The following IVD variants were observed in gnomAD, a reference collection of about 807,000 sequenced individuals.
IVD encodes the protein isovaleryl-CoA dehydrogenase, also known as isovaleryl-CoA dehydrogenase, mitochondrial.
Under a neutral mutation model 51.3 loss-of-function variants are expected in IVD, and 31 were observed. The observed-to-expected ratio is 0.60, with a 90% CI of 0.45 to 0.81. The LOEUF (loss-of-function observed/expected upper bound fraction) is 0.81. Ranked by LOEUF, IVD falls within the 40% of genes least tolerant of loss-of-function variation. The pLI, the probability that IVD is intolerant of heterozygous loss-of-function variation, is 0.00. For missense variants in IVD, 475 were observed against 552.0 expected (o/e 0.86, Z 1.40); for synonymous variants, 205 against 219.4 (o/e 0.93, Z 0.58).
downstream of IVD, among the ~76,000 whole-genome samples, chr15:40,422,575 G>A (rs1892395646): frequency 1.1e-5 from 1 of 88,296 alleles, no homozygotes; most frequent in East Asian, 3.2e-4. Flanking sequence ...GAGCCACCGC[G>A]CCCGGCCGAC....
At position 40,407,705 on chromosome 15, in the gene IVD, AAT is replaced by A. The variant is rs777713456; in HGVS notation, c.215_216del (p.Asn72ArgfsTer71). The A allele has an allele frequency of 2.5e-6, 4 of 1,614,196 alleles. No individual in the cohort carries two copies. In the South Asian group the frequency reaches 4.4e-5, roughly 18 times the overall value. On this transcript the variant is annotated frameshift_variant, in exon 2 of 12. Coordinates refer to ENST00000487418, the MANE Select transcript of IVD (RefSeq NM_002225.5). LOFTEE classifies it high-confidence loss of function. ...APKAQEIDRS[N>X]EFKNLREFWK... ...CAAGGCCCAGGAGATCGATCGCAGC[AAT>A]GAGTTCAAGAACCTGCGAGTGAGTT... is the stretch of plus-strand genomic sequence containing the variant.
chr15:40,406,364 A>G, intron 1 of IVD: 1 of 1,315,682 alleles, frequency 7.6e-7, no homozygotes, highest in South Asian at 1.2e-5. Flanking sequence ...TGCTTCTCAC[A>G]CCTGGGTGGT....
intron 2 of IVD, 88 bp from the exon 3 acceptor site, chr15:40,407,851 G>A (rs1890626902): frequency 6.8e-7 from 1 of 1,477,422 alleles, no homozygotes; most frequent in South Asian, 1.1e-5. Flanking sequence ...CCCTCTCTCT[G>A]AAGTGTTTGG....
rs374797902 is a variant in IVD, at chr15:40,407,730, G to C, written c.234+5G>C. 1 of 1,613,598 alleles carries C rather than the reference G, an allele frequency of 6.2e-7. No homozygotes were observed. Among genetic ancestry groups the C allele is most frequent in the Non-Finnish European group, 8.5e-7 (1 of 1,179,530 alleles). ...AATGAGTTCAAGAACCTGCGAGTGA[G>C]TTGGGAGGTCCGGGCAGTCGGGGGC... On this transcript the variant is annotated splice_donor_5th_base_variant and intron_variant, in intron 2 of 11. Coordinates refer to ENST00000487418, the MANE Select transcript of IVD (RefSeq NM_002225.5).
downstream of IVD, chr15:40,424,209 C>T (rs28429209): frequency 7.8e-7 from 1 of 1,287,394 alleles, no homozygotes; most frequent in Non-Finnish European, 1.0e-6. Flanking sequence ...CAGTGGCTCC[C>T]AGCACCTGTA....
downstream of IVD, among the ~76,000 whole-genome samples, chr15:40,423,284 TAC>T (rs1297834443): frequency 2.0e-5 from 3 of 152,328 alleles, no homozygotes; most frequent in Admixed American, 1.3e-4. Context: ...TAAAAAATAC[TAC>T]AGTTTTTAAA....
At chr15:40,413,683 G>T (rs201529507) in intron 7 of IVD, among the ~76,000 whole-genome samples, 231 of 25,936 alleles carry the variant, frequency 8.9e-3, no homozygotes, top group East Asian at 0.014. Flanking sequence ...TGTTTTTTTT[G>T]TTTGTTTGTT....
chr15:40,423,504 C>T (rs1892485142), downstream of IVD, among the ~76,000 whole-genome samples: 4 of 152,206 alleles, frequency 2.6e-5, no homozygotes. Flanking sequence ...CTCTCTCGCC[C>T]ATGCTGGAGT....
downstream of IVD, chr15:40,435,813 G>T (rs574508021): frequency 8.1e-5 from 55 of 676,350 alleles, no homozygotes; most frequent in Middle Eastern, 2.2e-3. Context: ...GCTCCTTCAG[G>T]CTCCGCTCTC....
At chr15:40,408,043 C>A in intron 3 of IVD, 53 bp downstream of exon 3, 1 of 1,518,932 alleles carries the variant, frequency 6.6e-7, no homozygotes, top group Non-Finnish European at 9.1e-7. Context: ...CCCTTTAAGA[C>A]AGTTCCCAAA....
chr15:40,415,926 C>T, intron 9 of IVD, 152 bp from the exon 10 acceptor site: 2 of 735,410 alleles, frequency 2.7e-6, no homozygotes, highest in Admixed American at 2.0e-5. Flanking sequence ...ACTCCCACAC[C>T]TGCCCCCATC....
intron 8 of IVD, 74 bp from the exon 9 acceptor site, chr15:40,415,327 C>T: frequency 7.7e-7 from 1 of 1,304,550 alleles, no homozygotes; most frequent in East Asian, 2.3e-5. Context: ...CTGGCCTTCC[C>T]ACGCTAGCAT....
At chr15:40,428,639 T>G (rs1892802262), downstream of IVD, among the ~76,000 whole-genome samples, 2 of 152,076 alleles carry the variant, frequency 1.3e-5, no homozygotes, top group Non-Finnish European at 2.9e-5. Context: ...GTCAGAGACC[T>G]TTGTATTGCA....
chr15:40,430,283 C>G (rs950779158), intron 7 of IVD, among the ~76,000 whole-genome samples: 1 of 152,210 alleles, frequency 6.6e-6, no homozygotes, highest in Non-Finnish European at 1.5e-5. Flanking sequence ...CAGGGAGACG[C>G]AGATGTGGTT....
chr15:40,416,847 G>GCTGC (rs1156739679), intron 11 of IVD, among the ~76,000 whole-genome samples: 1 of 152,166 alleles, frequency 6.6e-6, no homozygotes, highest in African/African-American at 2.4e-5. Context: ...AGGAGTTGCT[G>GCTGC]CTGCCTTCGG....
intron 6 of IVD, among the ~76,000 whole-genome samples, 175 bp downstream of exon 6, chr15:40,411,866 C>T (rs1891125173): frequency 6.6e-6 from 1 of 152,180 alleles, no homozygotes; most frequent in East Asian, 1.9e-4. Flanking sequence ...CCAGGAAGTC[C>T]AGGGCAGATG....
At chr15:40,410,573 G>A (rs1890953518) in intron 3 of IVD, 55 bp from the exon 4 acceptor site, 1 of 1,594,412 alleles carries the variant, frequency 6.3e-7, no homozygotes, top group East Asian at 2.2e-5. Context: ...CTTAATGAAT[G>A]TCCCGATTTA....
At chr15:40,409,170 G>T (rs1364253863) in intron 3 of IVD, among the ~76,000 whole-genome samples, 1 of 152,204 alleles carries the variant, frequency 6.6e-6, no homozygotes, top group Non-Finnish European at 1.5e-5. Context: ...GGGGGTTTAT[G>T]TACCCCACTC....
intron 1 of IVD, 25 bp downstream of exon 1, chr15:40,405,996 G>GCCCCAAGGCCCCCTTCCTGCCTGGT (rs1890361300): frequency 6.3e-7 from 1 of 1,575,804 alleles, no homozygotes; most frequent in Non-Finnish European, 8.6e-7. Flanking sequence ...CCCCTTCCTG[G>GCCCCAAGGCCCCCTTCCTGCCTGGT]CCCCAAGGCC....
Sources: gnomAD v4.1 joint callset for allele counts (sites outside exome capture counted in the v4.1 genomes callset) on GRCh38, gnomAD v4.1.1 for gene constraint, MANE v1.5 for transcripts, NCBI Gene and HGNC (gene_info 2026-07-23, HGNC 2026-07-21) for gene names.